Variants in TAF6 observed in about 807,000 individuals in gnomAD.
TAF6 encodes the protein TATA-box binding protein associated factor 6, also known as transcription initiation factor TFIID subunit 6.
A neutral mutation model predicts 73.5 loss-of-function variants in TAF6; 50 were observed. The ratio of observed to expected loss-of-function variants is 0.68; its 90% confidence interval spans 0.54 to 0.86. TAF6 has a LOEUF of 0.86. Ranked by LOEUF, TAF6 falls within the 40% of genes least tolerant of loss-of-function variation. TAF6 has a pLI of 0.00. For missense variants in TAF6, 768 were observed against 899.5 expected (o/e 0.85, Z 1.87); for synonymous variants, 424 against 376.7 (o/e 1.13, Z -1.45).
At chr7:100,120,315 T>C (rs1584583591), upstream of TAF6, 1 of 153,900 alleles carries the variant, frequency 6.5e-6, no homozygotes, top group South Asian at 2.0e-4. Flanking sequence ...GGTTTGAGGG[T>C]GAGTAATTCA....
chr7:100,124,771 A>G (rs1798168402), upstream of TAF6: 8 of 1,613,940 alleles, frequency 5.0e-6, no homozygotes, highest in Non-Finnish European at 6.8e-6. Flanking sequence ...CAGATGGGGA[A>G]GAGAAAACAG....
In TAF6 at chr7:100,107,429, G is replaced by A. The variant is rs917071534; in HGVS notation, c.1851C>T (p.Gly617=). 12 of 1,610,786 alleles carry A rather than the reference G, an allele frequency of 7.4e-6. No homozygotes were observed. In the Admixed American group the frequency reaches 1.0e-4, roughly 13 times the overall value. ...AAGGATGGGAGGTGGGGCCTCCTTT[G>A]CCCTCCCCTGTTGGGGGAAGTGAGA... ...IVVSLPPTGE[G]KGGPTSHPSP... The change falls in exon 15 of 15, where the codon GGC becomes GGT. Residue 617 remains glycine (G), a synonymous_variant. Transcript: ENST00000453269.
chr7:100,118,729 G>A (rs1797888900), intron 1 of TAF6: 1 of 326,454 alleles, frequency 3.1e-6, no homozygotes, highest in Non-Finnish European at 4.4e-6. Context: ...TATCAATACT[G>A]CTTAGGAGTA....
intron 10 of TAF6, 143 bp downstream of exon 10, chr7:100,110,996 G>C: frequency 1.2e-6 from 1 of 834,424 alleles, no homozygotes; most frequent in Middle Eastern, 3.8e-4. Flanking sequence ...AAAAAAAAAA[G>C]GTATTACAGA....
upstream of TAF6, among the ~76,000 whole-genome samples, chr7:100,123,997 TGTG>T (rs1351620693): frequency 6.6e-6 from 1 of 151,848 alleles, no homozygotes; most frequent in Non-Finnish European, 1.5e-5. Context: ...GGCGTGGTGG[TGTG>T]GTGGCATGCA....
chr7:100,121,110 A>ATTTTTTTTTTTTT (rs1798036782), upstream of TAF6: 10 of 28,368 alleles, frequency 3.5e-4, no homozygotes, highest in African/African-American at 7.0e-4. Flanking sequence ...ATATATATAT[A>ATTTTTTTTTTTTT]TATATATTTT....
intron 12 of TAF6, among the ~76,000 whole-genome samples, chr7:100,109,336 A>T (rs1463000319): frequency 6.6e-6 from 1 of 151,830 alleles, no homozygotes; most frequent in Non-Finnish European, 1.5e-5. Context: ...AAAAAAAAAA[A>T]AGAAAAGAAA....
intron 1 of TAF6, chr7:100,115,601 G>A (rs1424158810): frequency 2.6e-5 from 4 of 151,554 alleles, no homozygotes; most frequent in African/African-American, 7.3e-5. Flanking sequence ...AGTAGAGTTT[G>A]CAGTGAGTTG....
chr7:100,107,377 G>T lies in TAF6; in HGVS notation c.1903C>A (p.Pro635Thr). 1.3e-6 allele frequency: 2 copies of T among 1,590,634 alleles called. No individual in the cohort carries two copies. Among genetic ancestry groups the T allele is most frequent in the Non-Finnish European group, 1.7e-6 (2 of 1,165,826 alleles). ...PSPVPPPASS[P>T]SPLSGSALCG... ...AGGGCACTGCCGCTGAGTGGGGACGGGGACGATGCCGGGGGAGGAACTGGA... is the reference window on the plus strand; with the variant it reads ...AGGGCACTGCCGCTGAGTGGGGACGTGGACGATGCCGGGGGAGGAACTGGA... Residue 635 changes from proline to threonine, a missense_variant, in exon 15 of 15, where the codon CCG becomes ACG. By Grantham distance (38) the Pro-to-Thr change is conservative (BLOSUM62 -1). Transcript: ENST00000453269.
chr7:100,124,674 TC>T, upstream of TAF6: 2 of 1,611,582 alleles, frequency 1.2e-6, no homozygotes, highest in East Asian at 2.2e-5. Context: ...AGCCATAGCC[TC>T]CCCTGCCTCC....
chr7:100,115,000 G>A (rs2116830667), intron 1 of TAF6, among the ~76,000 whole-genome samples: 1 of 152,274 alleles, frequency 6.6e-6, no homozygotes, highest in East Asian at 1.9e-4. Context: ...GGGACTATAG[G>A]TGTGTACCAC....
At chr7:100,112,765 G>A in intron 6 of TAF6, 33 bp downstream of exon 6, 3 of 1,556,986 alleles carry the variant, frequency 1.9e-6, no homozygotes, top group Non-Finnish European at 2.6e-6. Flanking sequence ...CTTTGGGCAA[G>A]AGTCCAGAGA....
upstream of TAF6, chr7:100,119,842 G>A (rs909799716): frequency 2.2e-5 from 36 of 1,612,406 alleles, no homozygotes; most frequent in Non-Finnish European, 2.9e-5. Flanking sequence ...GACACAGAAC[G>A]CTTGCCCAGC....
chr7:100,107,278 G>C lies in TAF6; in HGVS notation c.2002C>G (p.Pro668Ala). ...GCAGGCTGAGGGGAGCCGGAGTTGG[G>C]CTGGGAGCCATTGGCTTTTGGAGTC... ...PGTPKANGSQ[P>A]NSGSPQPAP Residue 668 changes from proline (P) to alanine (A), a missense_variant, in exon 15 of 15, where the codon CCC becomes GCC. Transcript: ENST00000453269. The C allele has an allele frequency of 6.6e-7, 1 of 1,524,280 alleles. No homozygotes were observed. Among genetic ancestry groups the C allele is most frequent in the Non-Finnish European group, 8.8e-7 (1 of 1,139,070 alleles). The allele number at this position is 1,524,280 out of a possible 1,614,324, so 94.4% of individuals were successfully genotyped here.
chr7:100,122,109 A>C, upstream of TAF6: 1 of 824,436 alleles, frequency 1.2e-6, no homozygotes, highest in Non-Finnish European at 1.9e-6. Context: ...ATTGCCACAC[A>C]GCTGCTAAAT....
Position 100,119,334 on chromosome 7 carries a change from G to C in TAF6, c.-190C>G, listed in dbSNP as rs1797943487. On this transcript the variant is annotated 5_prime_UTR_variant, in exon 1 of 15. Transcript: ENST00000453269. The stretch of plus-strand genomic sequence containing the variant: ...GCAGCCGAGACGCTGCTCACCCGGC[G>C]CTCGGCGCCATCTTGGCCCCGCCCC... 1.9e-6 allele frequency: 2 copies of C among 1,031,730 alleles called. No individual in the cohort carries two copies. Among genetic ancestry groups the C allele is most frequent in the Non-Finnish European group, 1.2e-6 (1 of 857,746 alleles). The allele number at this position is 1,031,730 out of a possible 1,614,324, so 63.9% of individuals were successfully genotyped here. A position where few individuals can be genotyped will look rare whatever the true frequency, so the allele number is the denominator to read the frequency against.
chr7:100,108,923 T>G (rs576896895), intron 12 of TAF6: 258 of 152,630 alleles, frequency 1.7e-3, no homozygotes, highest in African/African-American at 6.5e-3. Context: ...ACTGGGGAGG[T>G]TGAGGTACTA....
chr7:100,122,783 G>A (rs975338412), upstream of TAF6: 47 of 1,612,312 alleles, frequency 2.9e-5, no homozygotes, highest in Non-Finnish European at 4.0e-5. Flanking sequence ...TAATCTCTCA[G>A]GGTCAGAGTC....
At chr7:100,112,484 G>A (rs562897951) in intron 6 of TAF6, among the ~76,000 whole-genome samples, 11 of 152,252 alleles carry the variant, frequency 7.2e-5, no homozygotes, top group South Asian at 2.1e-4. Flanking sequence ...AGGCCAAGGC[G>A]GGCGGATCAC....
Sources: gnomAD v4.1 joint callset for allele counts (sites outside exome capture counted in the v4.1 genomes callset) on GRCh38, gnomAD v4.1.1 for gene constraint, MANE v1.5 for transcripts, NCBI Gene and HGNC (gene_info 2026-07-23, HGNC 2026-07-21) for gene names.